The following ATP2B1 variants were observed in gnomAD, a reference collection of about 807,000 sequenced individuals.
ATP2B1 encodes the protein plasma membrane calcium-transporting ATPase 1.
In ATP2B1, 14 loss-of-function variants were observed where a neutral mutation model predicts 124.2. The ratio of observed to expected loss-of-function variants is 0.11; its 90% CI spans 0.07 to 0.18. ATP2B1 has a LOEUF of 0.18. Among genes scored for constraint, ATP2B1 ranks in the 10% least tolerant of loss-of-function variants. The probability of loss-of-function intolerance (pLI) is 1.00; values close to 1 mark genes in which losing one functional copy is unlikely to be tolerated. For missense variants in ATP2B1, 763 were observed against 1,466.1 expected, an observed-to-expected ratio of 0.52 and a Z score of 7.83; for synonymous variants, 449 against 492.4, an observed-to-expected ratio of 0.91 and a Z score of 1.17.
At chr12:89,645,151 T>C (rs1884253765) in intron 2 of ATP2B1, among the ~76,000 whole-genome samples, 2 of 152,120 alleles carry the variant, frequency 1.3e-5, no homozygotes, top group African/African-American at 4.8e-5. Context: ...CAAGGTTGTT[T>C]TGAAGAACCA....
chr12:89,652,229 T>C (rs1446499037), intron 2 of ATP2B1, among the ~76,000 whole-genome samples: 2 of 152,224 alleles, frequency 1.3e-5, no homozygotes, highest in African/African-American at 4.8e-5. Context: ...TACTAATAAA[T>C]ACTACAAAAT....
rs1872994019 is a variant in ATP2B1 at position 89,588,381 on chromosome 12, A to T, written c.*2603T>A. On this transcript the variant is annotated 3_prime_UTR_variant, in exon 21 of 21. Coordinates refer to ENST00000428670, the MANE Select transcript of ATP2B1 (RefSeq NM_001366521.1). ...TGCAAGTAAGTCTATTTACAACCACAAAAAAGGCAATGATGAGGAGAAAAG... is the reference window on the plus strand; with the variant it reads ...TGCAAGTAAGTCTATTTACAACCACTAAAAAGGCAATGATGAGGAGAAAAG... The T allele has an allele frequency of 6.6e-6, 1 of 152,608 alleles. No individual in the cohort carries two copies. The highest frequency in any genetic ancestry group is 2.4e-5 in the African/African-American group (1 of 41,464). The allele number at this position is 152,608 out of a possible 1,614,324, so 9.5% of individuals were successfully genotyped here. A position where few individuals can be genotyped will look rare whatever the true frequency, so the allele number is the denominator to read the frequency against.
intron 4 of ATP2B1, 46 bp downstream of exon 4, chr12:89,634,951 A>G (rs746550071): frequency 6.2e-7 from 1 of 1,610,368 alleles, no homozygotes; most frequent in Non-Finnish European, 8.5e-7. Context: ...AGATTACAGT[A>G]ATTTTATGTT....
chr12:89,623,251 A>C (rs1880298207), intron 9 of ATP2B1, among the ~76,000 whole-genome samples: 1 of 152,146 alleles, frequency 6.6e-6, no homozygotes, highest in African/African-American at 2.4e-5. Context: ...ACTAGTAATT[A>C]ACATTTGAAA....
At chr12:89,707,949 T>C (rs1892688739) in intron 1 of ATP2B1, among the ~76,000 whole-genome samples, 1 of 152,140 alleles carries the variant, frequency 6.6e-6, no homozygotes, top group African/African-American at 2.4e-5. Flanking sequence ...TCTCTTAAAC[T>C]AAGTGAATAA....
At chr12:89,601,698 GT>G (rs1346987239) in intron 18 of ATP2B1, among the ~76,000 whole-genome samples, 1 of 152,218 alleles carries the variant, frequency 6.6e-6, no homozygotes, top group African/African-American at 2.4e-5. Flanking sequence ...CGTATTTCAT[GT>G]TTAAATTACG....
chr12:89,677,221 T>C (rs1565903733), intron 1 of ATP2B1, among the ~76,000 whole-genome samples: 1 of 152,132 alleles, frequency 6.6e-6, no homozygotes, highest in Non-Finnish European at 1.5e-5. Context: ...CCTTGTATTT[T>C]ACATGGATCT....
At chr12:89,623,889 C>A (rs1394905476) in intron 9 of ATP2B1, among the ~76,000 whole-genome samples, 1 of 152,098 alleles carries the variant, frequency 6.6e-6, no homozygotes, top group Non-Finnish European at 1.5e-5. Flanking sequence ...GAGGAGGTGA[C>A]ATGACTTGAC....
chr12:89,624,817 CAT>C (rs1880565894), intron 8 of ATP2B1, among the ~76,000 whole-genome samples: 1 of 152,096 alleles, frequency 6.6e-6, no homozygotes, highest in Non-Finnish European at 1.5e-5. Context: ...ATACTCAACC[CAT>C]GTTTTAAAAA....
intron 1 of ATP2B1, among the ~76,000 whole-genome samples, chr12:89,689,373 G>A (rs550757278): frequency 6.6e-6 from 1 of 152,166 alleles, no homozygotes; most frequent in East Asian, 1.9e-4. Context: ...ATTTTACAAT[G>A]CAGGTAAACA....
chr12:89,601,287 A>T (rs755141104), intron 19 of ATP2B1, 39 bp downstream of exon 19: 1 of 1,361,936 alleles, frequency 7.3e-7, no homozygotes, highest in Non-Finnish European at 1.0e-6. Flanking sequence ...AAAAAAAAAA[A>T]TCACTTTAGG....
chr12:89,611,398 A>G (rs769841291), intron 12 of ATP2B1, 26 bp from the exon 13 acceptor site: 50 of 1,478,514 alleles, frequency 3.4e-5, no homozygotes, highest in Non-Finnish European at 4.5e-5. Context: ...AAAAAAAATT[A>G]CAAAGTTAAT....
intron 18 of ATP2B1, 149 bp from the exon 19 acceptor site, chr12:89,601,582 A>G: frequency 2.2e-6 from 1 of 463,100 alleles, no homozygotes; most frequent in Non-Finnish European, 3.7e-6. Flanking sequence ...TGAAAATAAG[A>G]CAACTGAAAT....
At chr12:89,706,329 A>G (rs1382605737) in intron 1 of ATP2B1, among the ~76,000 whole-genome samples, 3 of 151,950 alleles carry the variant, frequency 2.0e-5, no homozygotes, top group South Asian at 2.1e-4. Flanking sequence ...AAGAATTACT[A>G]TATCTGATCC....
At chr12:89,638,394 A>G (rs1433901319) in intron 3 of ATP2B1, among the ~76,000 whole-genome samples, 1 of 152,208 alleles carries the variant, frequency 6.6e-6, no homozygotes, top group Non-Finnish European at 1.5e-5. Flanking sequence ...AGTAGTTCTC[A>G]AAGTGCTGTC....
chr12:89,694,719 C>G (rs984029248), intron 1 of ATP2B1, among the ~76,000 whole-genome samples: 4 of 152,096 alleles, frequency 2.6e-5, no homozygotes, highest in African/African-American at 9.7e-5. Context: ...TTAGAAAACC[C>G]TCCAAATGTA....
At chr12:89,635,287 T>C (rs1882510074) in intron 3 of ATP2B1, 36 bp from the exon 4 acceptor site, 2 of 1,594,062 alleles carry the variant, frequency 1.3e-6, no homozygotes, top group African/African-American at 1.3e-5. Flanking sequence ...ATCAAAAAGA[T>C]TCTGAATTGA....
intron 1 of ATP2B1, among the ~76,000 whole-genome samples, chr12:89,656,787 T>C (rs116773806): frequency 4.4e-4 from 67 of 152,318 alleles, no homozygotes; most frequent in African/African-American, 1.6e-3. Flanking sequence ...AAAGAAATTC[T>C]CTACTCTTTT....
At position 89,675,435 on chromosome 12, in the gene ATP2B1, C is replaced by G. The variant is rs537046994; in HGVS notation, c.-221-19328G>C. On this transcript the variant is annotated intron_variant, in intron 1 of 20. Coordinates refer to ENST00000428670, the MANE Select transcript of ATP2B1 (RefSeq NM_001366521.1). ...TGGATGACGACCTGTATTCTGAAAGCAGAATTACTGTAGTTCCTCAATCTT... is the reference window on the plus strand; with the variant it reads ...TGGATGACGACCTGTATTCTGAAAGGAGAATTACTGTAGTTCCTCAATCTT... Among the ~76,000 whole-genome samples, 9 of 152,210 alleles carry G rather than the reference C, an allele frequency of 5.9e-5. No individual in the cohort carries two copies. The South Asian group carries it at 1.2e-3, about 21-fold the overall frequency.
Sources: allele counts gnomAD v4.1 joint callset (sites outside exome capture counted in the v4.1 genomes callset), GRCh38; gene constraint gnomAD v4.1.1; transcripts MANE v1.5; gene names NCBI Gene and HGNC (gene_info 2026-07-23, HGNC 2026-07-21).